The following KAT6B variants were observed in gnomAD, a reference collection of about 807,000 sequenced individuals.
KAT6B encodes the protein histone acetyltransferase KAT6B.
KAT6B carries 10 observed loss-of-function variants against 187.5 expected under a neutral mutation model. That is an observed-to-expected ratio of 0.05 (90% CI 0.03 to 0.09). The LOEUF is 0.09. KAT6B is among the 10% of genes least tolerant of loss of function. The pLI is 1.00. For missense variants in KAT6B, 1,952 were observed against 2,558.9 expected (o/e 0.76, Z 5.12); for synonymous variants, 861 against 926.8 (o/e 0.93, Z 1.29).
intron 3 of KAT6B, among the ~76,000 whole-genome samples, chr10:74,945,307 A>G (rs900796783): frequency 6.6e-6 from 1 of 152,234 alleles, no homozygotes; most frequent in Admixed American, 6.5e-5. Context: ...AAATTTTATA[A>G]CAGGCGAAAC....
At chr10:74,974,600 A>G (rs1842042611) in intron 7 of KAT6B, among the ~76,000 whole-genome samples, 1 of 152,240 alleles carries the variant, frequency 6.6e-6, no homozygotes. Context: ...AGTTTCTAGA[A>G]CTACTCAACA....
intron 3 of KAT6B, among the ~76,000 whole-genome samples, chr10:74,932,120 G>A (rs1319163731): frequency 6.6e-6 from 1 of 152,200 alleles, no homozygotes; most frequent in Non-Finnish European, 1.5e-5. Context: ...TGGCATAATG[G>A]ATAGAGAGTC....
intron 3 of KAT6B, among the ~76,000 whole-genome samples, chr10:74,896,647 A>T (rs1194087895): frequency 6.6e-6 from 1 of 152,250 alleles, no homozygotes; most frequent in Non-Finnish European, 1.5e-5. Context: ...CTTTTTAGAA[A>T]TAAGATAACA....
At chr10:74,894,470 A>G (rs758278302) in intron 3 of KAT6B, among the ~76,000 whole-genome samples, 1 of 152,212 alleles carries the variant, frequency 6.6e-6, no homozygotes, top group Non-Finnish European at 1.5e-5. Context: ...TTAAGTGTGT[A>G]GTATGGTAGT....
chr10:74,887,535 G>A (rs560509296), intron 3 of KAT6B, among the ~76,000 whole-genome samples: 1 of 152,064 alleles, frequency 6.6e-6, no homozygotes, highest in Admixed American at 6.6e-5. Context: ...ATGTTGGCCA[G>A]GCTGGTCCTG....
intron 3 of KAT6B, among the ~76,000 whole-genome samples, chr10:74,857,433 T>G (rs1350847214): frequency 5.3e-5 from 8 of 152,242 alleles, no homozygotes; most frequent in Non-Finnish European, 1.2e-4. Flanking sequence ...CACATCTGCC[T>G]CTTACCACAG....
At chr10:74,835,547 A>C (rs1170712562) in intron 1 of KAT6B, among the ~76,000 whole-genome samples, 2 of 152,190 alleles carry the variant, frequency 1.3e-5, no homozygotes, top group East Asian at 3.8e-4. Context: ...CAGAGATCTA[A>C]AGAGCCTAGT....
intron 3 of KAT6B, among the ~76,000 whole-genome samples, chr10:74,856,500 A>G (rs567438746): frequency 6.6e-6 from 1 of 152,298 alleles, no homozygotes; most frequent in South Asian, 2.1e-4. Flanking sequence ...AGACATTGAC[A>G]TTTTTGAAGA....
intron 3 of KAT6B, among the ~76,000 whole-genome samples, chr10:74,871,574 A>G (rs546610280): frequency 2.6e-5 from 4 of 152,350 alleles, no homozygotes; most frequent in African/African-American, 9.6e-5. Flanking sequence ...GCTAATGCCT[A>G]TAATCCCAGC....
intron 2 of KAT6B, among the ~76,000 whole-genome samples, chr10:74,841,507 G>A (rs985673623): frequency 6.6e-5 from 10 of 152,142 alleles, no homozygotes; most frequent in Admixed American, 6.5e-4. Context: ...AGAGATTACA[G>A]TGAGCTGAGA....
At chr10:74,908,602 C>G (rs1416573022) in intron 3 of KAT6B, among the ~76,000 whole-genome samples, 1 of 151,182 alleles carries the variant, frequency 6.6e-6, no homozygotes, top group Non-Finnish European at 1.5e-5. Context: ...TTATAAGTTG[C>G]CTAGTTTCAG....
intron 3 of KAT6B, among the ~76,000 whole-genome samples, chr10:74,944,570 G>C (rs1849960384): frequency 6.6e-6 from 1 of 152,152 alleles, no homozygotes; most frequent in Non-Finnish European, 1.5e-5. Context: ...AGCACTTTGG[G>C]AGGTCAAGGC....
chr10:74,870,736 G>A (rs1326590039), intron 3 of KAT6B, among the ~76,000 whole-genome samples: 2 of 151,866 alleles, frequency 1.3e-5, no homozygotes, highest in African/African-American at 4.8e-5. Context: ...GCGCCACCAC[G>A]CCCAGCTAAT....
At chr10:74,873,299 A>G (rs964273596) in intron 3 of KAT6B, among the ~76,000 whole-genome samples, 3 of 134,298 alleles carry the variant, frequency 2.2e-5, no homozygotes, top group African/African-American at 3.7e-5. Context: ...CATCTCTACA[A>G]AAAATGAAAA....
At chr10:74,940,570 G>A (rs568357733) in intron 3 of KAT6B, among the ~76,000 whole-genome samples, 5 of 149,968 alleles carry the variant, frequency 3.3e-5, no homozygotes, top group African/African-American at 7.4e-5. Flanking sequence ...CACCGTGCCC[G>A]GCCTTTGTTT....
chr10:74,990,946 C>T (rs1410170758), intron 13 of KAT6B, among the ~76,000 whole-genome samples: 3 of 152,106 alleles, frequency 2.0e-5, no homozygotes, highest in Admixed American at 1.3e-4. Flanking sequence ...TGAGCATGGT[C>T]CTATACCTCT....
At chr10:74,919,317 G>A (rs1237627064) in intron 3 of KAT6B, among the ~76,000 whole-genome samples, 2 of 151,874 alleles carry the variant, frequency 1.3e-5, no homozygotes, top group Non-Finnish European at 2.9e-5. Flanking sequence ...TATTTATTCT[G>A]CTAGGTATCT....
intron 3 of KAT6B, among the ~76,000 whole-genome samples, chr10:74,904,446 C>T (rs771961367): frequency 2.8e-4 from 42 of 152,324 alleles, no homozygotes; most frequent in Non-Finnish European, 5.1e-4. Context: ...TAGCATTTTG[C>T]TTCTTCAAGG....
chr10:74,915,727 A>G (rs1054217104), intron 3 of KAT6B, among the ~76,000 whole-genome samples: 1 of 152,208 alleles, frequency 6.6e-6, no homozygotes, highest in African/African-American at 2.4e-5. Flanking sequence ...CCTTTGTCTT[A>G]AATTAAAACA....
Sources: allele counts gnomAD v4.1 joint callset (sites outside exome capture counted in the v4.1 genomes callset), GRCh38; gene constraint gnomAD v4.1.1; transcripts MANE v1.5; gene names NCBI Gene and HGNC (gene_info 2026-07-23, HGNC 2026-07-21).